The following SLIT1 variants were observed in gnomAD, a reference collection of about 807,000 sequenced individuals.
The protein encoded by SLIT1 is slit homolog 1 protein.
Under a neutral mutation model 186.1 loss-of-function variants are expected in SLIT1, and 66 were observed. That is an observed-to-expected ratio of 0.35 (90% confidence interval 0.29 to 0.44). The LOEUF (loss-of-function observed/expected upper bound fraction) is 0.44, where lower values mean the gene tolerates loss of function less well. Among genes scored for constraint, SLIT1 ranks in the 20% least tolerant of loss-of-function variants. The pLI, the probability that SLIT1 is intolerant of heterozygous loss-of-function variation, is 1.00. For synonymous variants in SLIT1, 761 were observed against 833.8 expected (o/e 0.91, Z 1.50); for missense variants, 1,638 against 2,037.4 (o/e 0.80, Z 3.77).
In SLIT1 at chr10:97,049,009, G is replaced by A. The variant is rs777809032; in HGVS notation, c.1411C>T (p.Arg471Cys). ...TGCCCGATGCGCTTGTTGGCGAGGC[G>A]CCGGGGACTGGCACAGCGGGCACCA... Reference protein sequence around the residue: ...TSGARCASPRRLANKRIGQIK... With the variant: ...TSGARCASPRCLANKRIGQIK... The change falls in exon 14 of 37, where the codon CGC becomes TGC. Residue 471 changes from arginine (R) to cysteine (C), a missense_variant. Physicochemically the swap from Arg to Cys is radical, Grantham distance 180. This residue lies in a region of SLIT1 where 1,245 missense variants were observed against 1,535.3 expected (regional missense o/e 0.81). Transcript: ENST00000266058. 30 of 1,612,776 alleles carry A rather than the reference G, an allele frequency of 1.9e-5. No individual in the cohort carries two copies. Among genetic ancestry groups the A allele is most frequent in the Non-Finnish European group, 2.5e-5 (29 of 1,180,036 alleles).
At chr10:97,087,403 G>A (rs1849174213) in intron 4 of SLIT1, among the ~76,000 whole-genome samples, 1 of 152,154 alleles carries the variant, frequency 6.6e-6, no homozygotes, top group Non-Finnish European at 1.5e-5. Context: ...TGGTCACCAG[G>A]GCCCTCCCCC....
At chr10:97,052,880 A>G (rs1383489254) in intron 13 of SLIT1, among the ~76,000 whole-genome samples, 1 of 152,178 alleles carries the variant, frequency 6.6e-6, no homozygotes, top group Non-Finnish European at 1.5e-5. Flanking sequence ...TTCTTATTCC[A>G]AGTTGTAGTT....
At chr10:97,086,526 C>T (rs765984377) in intron 4 of SLIT1, among the ~76,000 whole-genome samples, 27 of 152,018 alleles carry the variant, frequency 1.8e-4, no homozygotes, top group African/African-American at 5.3e-4. Context: ...TGCAGTGAGC[C>T]GAGATCGTGC....
chr10:97,055,369 CTGTT>C (rs1332463784), intron 13 of SLIT1, among the ~76,000 whole-genome samples: 3 of 152,140 alleles, frequency 2.0e-5, no homozygotes, highest in East Asian at 3.8e-4. Flanking sequence ...ACATAGCACT[CTGTT>C]TTTTTTTGAA....
chr10:97,066,141 C>A (rs756902837), intron 4 of SLIT1, 55 bp from the exon 5 acceptor site: 51 of 1,397,932 alleles, frequency 3.6e-5, no homozygotes, highest in Non-Finnish European at 4.7e-5. Flanking sequence ...GAGGTTCCTG[C>A]AGAGTGCTGT....
chr10:97,073,757 G>T (rs941254018), intron 4 of SLIT1, among the ~76,000 whole-genome samples: 5 of 152,164 alleles, frequency 3.3e-5, no homozygotes, highest in Non-Finnish European at 7.4e-5. Context: ...CTTAAATCGT[G>T]TGGTCTCGGG....
chr10:97,157,114 G>T (rs1046325757), intron 4 of SLIT1, among the ~76,000 whole-genome samples: 2 of 152,200 alleles, frequency 1.3e-5, no homozygotes, highest in African/African-American at 4.8e-5. Flanking sequence ...TGTCTGCAGA[G>T]GTGGTGAGCT....
intron 20 of SLIT1, among the ~76,000 whole-genome samples, chr10:97,042,031 C>A (rs1422060555): frequency 6.6e-6 from 1 of 151,868 alleles, no homozygotes; most frequent in South Asian, 2.1e-4. Flanking sequence ...AGTATAGACT[C>A]TTTTTTAAAT....
Position 97,048,874 on chromosome 10 carries a change from T to G in SLIT1, c.1465+81A>C, listed in dbSNP as rs1274683003. Reference sequence around the variant, plus strand: ...GGGTAGGTGGGCAGGTGGGCAGGTATGCAGGTGGACAAGTAGGCCGGTGGG... The same window carrying G: ...GGGTAGGTGGGCAGGTGGGCAGGTAGGCAGGTGGACAAGTAGGCCGGTGGG... On this transcript the variant is annotated intron_variant, in intron 14 of 36. Transcript: ENST00000266058. 331 of 658,532 alleles carry G rather than the reference T, an allele frequency of 5.0e-4. 1 individual carries two copies. Among genetic ancestry groups the G allele is most frequent in the Non-Finnish European group, 6.6e-4 (296 of 446,182 alleles). The allele number at this position is 658,532 out of a possible 1,614,324, so 40.8% of individuals were successfully genotyped here.
intron 4 of SLIT1, among the ~76,000 whole-genome samples, chr10:97,086,649 C>T (rs1849163063): frequency 6.6e-6 from 1 of 151,974 alleles, no homozygotes; most frequent in Admixed American, 6.6e-5. Context: ...GTGAAAGAAG[C>T]CAGAATGATA....
At chr10:97,005,422 G>A (rs1019925016) in intron 32 of SLIT1, among the ~76,000 whole-genome samples, 2 of 152,308 alleles carry the variant, frequency 1.3e-5, no homozygotes, top group Middle Eastern at 6.8e-3. Flanking sequence ...CGTTTCTTCT[G>A]GTAAAGACCC....
At chr10:97,173,560 A>T (rs1369267157) in intron 1 of SLIT1, among the ~76,000 whole-genome samples, 1 of 145,696 alleles carries the variant, frequency 6.9e-6, no homozygotes, top group African/African-American at 2.6e-5. Context: ...GTGCAGGGGC[A>T]TGATCACAGC....
chr10:97,126,820 G>A (rs1489153588), intron 4 of SLIT1, among the ~76,000 whole-genome samples: 1 of 152,222 alleles, frequency 6.6e-6, no homozygotes, highest in Non-Finnish European at 1.5e-5. Flanking sequence ...ATGTATGGGT[G>A]TGACTTGCTC....
intron 11 of SLIT1, among the ~76,000 whole-genome samples, chr10:97,058,453 G>C (rs941587323): frequency 6.6e-6 from 1 of 152,174 alleles, no homozygotes; most frequent in Non-Finnish European, 1.5e-5. Context: ...TCAGAGGAAG[G>C]GCCCTGCATT....
chr10:97,177,849 G>C (rs1477332527), intron 1 of SLIT1, among the ~76,000 whole-genome samples: 1 of 152,104 alleles, frequency 6.6e-6, no homozygotes, highest in Non-Finnish European at 1.5e-5. Flanking sequence ...GGTGGTAGGT[G>C]CCTGTAATCT....
In SLIT1 at chr10:97,002,272, G is replaced by C. The variant is rs1848316935; in HGVS notation, c.4252C>G (p.Leu1418Val). The C allele has an allele frequency of 6.2e-7, 1 of 1,607,858 alleles. No individual in the cohort carries two copies. The highest frequency in any genetic ancestry group is 8.5e-7 in the Non-Finnish European group (1 of 1,177,796). The change falls in exon 36 of 37, where the codon CTG becomes GTG. Residue 1418 changes from leucine (L) to valine (V), a missense_variant. Physicochemically the swap from Leu to Val is conservative, Grantham distance 32. Coordinates refer to ENST00000266058, the MANE Select transcript of SLIT1 (RefSeq NM_003061.3). ...SGALCNQAGA[L>V]AEPCRGLQCL... Reference sequence around the variant, plus strand: ...TGCAGGCCTCTGCAGGGCTCTGCCAGGGCCCCGGCCTGGTTGCACAGTGCC... The same window carrying C: ...TGCAGGCCTCTGCAGGGCTCTGCCACGGCCCCGGCCTGGTTGCACAGTGCC...
intron 4 of SLIT1, among the ~76,000 whole-genome samples, chr10:97,091,855 G>A (rs1163005842): frequency 1.3e-5 from 2 of 152,198 alleles, no homozygotes; most frequent in African/African-American, 4.8e-5. Context: ...GTTGAAAAGA[G>A]CCTTAGAAAT....
chr10:97,004,839 AC>A lies in SLIT1; in HGVS notation c.3580-17del. 2 of 1,614,010 alleles carry A rather than the reference AC, an allele frequency of 1.2e-6. No homozygotes were observed. The highest frequency in any genetic ancestry group is 1.7e-6 in the Non-Finnish European group (2 of 1,179,946). On this transcript the variant is annotated splice_polypyrimidine_tract_variant and intron_variant, in intron 32 of 36. Coordinates refer to ENST00000266058, the MANE Select transcript of SLIT1 (RefSeq NM_003061.3). The surrounding 1 kb of genome is among the most constrained non-coding windows in gnomAD (Gnocchi z 5.1). ...CCGTGGAGACCTGATGGGCAGTGGC[AC>A]TTTCTCTCCCACCCCACCCCATGCA...
intron 20 of SLIT1, among the ~76,000 whole-genome samples, chr10:97,041,749 G>A (rs374684962): frequency 1.8e-4 from 27 of 152,280 alleles, no homozygotes; most frequent in African/African-American, 6.3e-4. Context: ...GGGATTACAG[G>A]CATGAGCCTC....
Sources: allele counts gnomAD v4.1 joint callset (sites outside exome capture counted in the v4.1 genomes callset), GRCh38; gene constraint gnomAD v4.1.1; regional missense constraint gnomAD v4.1.1; non-coding constraint Gnocchi (gnomAD v3.1); transcripts MANE v1.5; gene names NCBI Gene and HGNC (gene_info 2026-07-23, HGNC 2026-07-21).